SCML4: variants seen among roughly 807,000 people sequenced by gnomAD.
The protein encoded by SCML4 is sex comb on midleg-like protein 4.
A neutral mutation model predicts 41.1 loss-of-function variants in SCML4; 34 were observed. That is an observed-to-expected ratio of 0.83 (90% CI 0.63 to 1.10). The LOEUF (loss-of-function observed/expected upper bound fraction) is 1.10. SCML4 is among the 50% of genes least tolerant of loss of function. The pLI, the probability that SCML4 is intolerant of heterozygous loss-of-function variation, is 0.00. For missense variants in SCML4, 522 were observed against 534.1 expected (o/e 0.98, Z 0.22); for synonymous variants, 214 against 220.9 (o/e 0.97, Z 0.28).
intron 1 of SCML4, among the ~76,000 whole-genome samples, chr6:107,782,331 C>T (rs1383726570): frequency 6.6e-6 from 1 of 152,142 alleles, no homozygotes; most frequent in Non-Finnish European, 1.5e-5. Flanking sequence ...TAACTCCAGT[C>T]CTGCCATCAG....
rs149436081 is a variant in SCML4 at position 107,737,818 on chromosome 6, T to C, written c.682+7131A>G. On this transcript the variant is annotated intron_variant, in intron 5 of 7. Transcript: ENST00000369020. Reference sequence around the variant, plus strand: ...ATGTACATTATTTGGGTGATGGGTGTCCTAAAAGCCCTACCTTCAGCGCTG... The same window carrying C: ...ATGTACATTATTTGGGTGATGGGTGCCCTAAAAGCCCTACCTTCAGCGCTG... Among the ~76,000 whole-genome samples the C allele has an allele frequency of 4.0e-3, 608 of 152,244 alleles. 7 individuals are homozygous for C. The East Asian group carries it at 0.053, about 13-fold the overall frequency.
At chr6:107,844,468 C>T in the SCML4 span, among the ~76,000 whole-genome samples, 1 of 152,174 alleles carries the variant, frequency 6.6e-6, no homozygotes, top group Non-Finnish European at 1.5e-5. Context: ...AAGGCCGAGG[C>T]TGGAGGATCA....
chr6:107,779,560 A>T (rs1781322330), intron 1 of SCML4, among the ~76,000 whole-genome samples: 1 of 151,768 alleles, frequency 6.6e-6, no homozygotes, highest in African/African-American at 2.4e-5. Flanking sequence ...CCTCTGCTGG[A>T]CTCTAAGTTG....
intron 5 of SCML4, among the ~76,000 whole-genome samples, chr6:107,725,338 T>A (rs12205352): frequency 0.065 from 9,911 of 152,104 alleles, 455 homozygotes; most frequent in Admixed American, 0.15. Context: ...GATTTAAAAA[T>A]TTTTTAAAAA....
At chr6:107,751,245 G>C (rs775341124) in intron 2 of SCML4, among the ~76,000 whole-genome samples, 43 of 152,356 alleles carry the variant, frequency 2.8e-4, no homozygotes, top group Non-Finnish European at 4.9e-4. Flanking sequence ...AAGTGCAATT[G>C]AGTTGTACTT....
chr6:107,725,971 G>T (rs1207342961), intron 5 of SCML4, among the ~76,000 whole-genome samples: 2 of 151,740 alleles, frequency 1.3e-5, no homozygotes, highest in East Asian at 3.9e-4. Context: ...CAGCTGCTTG[G>T]GAGGCTGAGG....
At chr6:107,828,209 T>A (rs1785311731), upstream of SCML4, among the ~76,000 whole-genome samples, 1 of 152,220 alleles carries the variant, frequency 6.6e-6, no homozygotes, top group African/African-American at 2.4e-5. Flanking sequence ...CCAAAGATAC[T>A]CTAATTAATC....
chr6:107,799,777 T>C (rs1292060803), intron 1 of SCML4, among the ~76,000 whole-genome samples: 2 of 152,138 alleles, frequency 1.3e-5, no homozygotes, highest in Non-Finnish European at 2.9e-5. Context: ...CATCCAGTGA[T>C]TTTTATGTCT....
chr6:107,762,455 G>T (rs1356434973), intron 2 of SCML4, among the ~76,000 whole-genome samples: 1 of 152,176 alleles, frequency 6.6e-6, no homozygotes, highest in African/African-American at 2.4e-5. Context: ...GGGTTGAAAT[G>T]TGTCCCTCAA....
chr6:107,716,698 T>C (rs542213721), intron 6 of SCML4, among the ~76,000 whole-genome samples: 41 of 152,300 alleles, frequency 2.7e-4, no homozygotes, highest in African/African-American at 8.4e-4. Context: ...GACTTCCCAT[T>C]GCCTACTCAG....
intron 1 of SCML4, among the ~76,000 whole-genome samples, chr6:107,789,502 G>A (rs771940576): frequency 3.3e-5 from 5 of 152,144 alleles, no homozygotes; most frequent in Admixed American, 6.5e-5. Context: ...GTCCTGCGTC[G>A]TTGACACACA....
At chr6:107,812,350 G>A (rs561735334) in intron 1 of SCML4, among the ~76,000 whole-genome samples, 1 of 152,190 alleles carries the variant, frequency 6.6e-6, no homozygotes, top group Non-Finnish European at 1.5e-5. Context: ...CCATACCAGA[G>A]AGCCCTAGCT....
At chr6:107,754,922 G>A (rs934003993) in intron 2 of SCML4, among the ~76,000 whole-genome samples, 1 of 152,106 alleles carries the variant, frequency 6.6e-6, no homozygotes, top group Non-Finnish European at 1.5e-5. Context: ...GGACAACATA[G>A]TGATATCTCT....
chr6:107,778,265 A>ATATATAT (rs1781195419), intron 1 of SCML4, among the ~76,000 whole-genome samples: 23 of 128,702 alleles, frequency 1.8e-4, no homozygotes, highest in African/African-American at 2.5e-4. Context: ...ATATATATAT[A>ATATATAT]ACTTGAGAAT....
In SCML4 at chr6:107,813,391, T is replaced by C. The variant is rs189513214; in HGVS notation, c.-60+10735A>G. Among the ~76,000 whole-genome samples, 340 of 38,578 alleles carry C rather than the reference T, an allele frequency of 8.8e-3. 12 individuals are homozygous for C. The highest frequency in any genetic ancestry group is 0.027 in the African/African-American group (290 of 10,690). 25.3% of individuals were successfully genotyped at this position (38,578 alleles called of 152,430 possible). A position where few individuals can be genotyped will look rare whatever the true frequency, so the allele number is the denominator to read the frequency against. ...AAAATTATATATATATATATATATATATATATATATATATATATATATATA... is the reference window on the plus strand; with the variant it reads ...AAAATTATATATATATATATATATACATATATATATATATATATATATATA... On this transcript the variant is annotated intron_variant, in intron 1 of 7. Coordinates refer to ENST00000369020, the MANE Select transcript of SCML4 (RefSeq NM_198081.5).
intron 2 of SCML4, among the ~76,000 whole-genome samples, chr6:107,751,630 CTTTCTTTCT>C (rs1562218931): frequency 3.2e-4 from 46 of 142,114 alleles, no homozygotes; most frequent in African/African-American, 1.2e-3. Flanking sequence ...TTCTTTCTTT[CTTTCTTTCT>C]TTCTTTCTTT....
At chr6:107,841,695 A>G in the SCML4 span, among the ~76,000 whole-genome samples, 2 of 152,336 alleles carry the variant, frequency 1.3e-5, no homozygotes, top group Middle Eastern at 3.4e-3. Flanking sequence ...GCACTCAATA[A>G]ATGTCAGCTT....
At chr6:107,713,150 C>G (rs557272722) in intron 6 of SCML4, among the ~76,000 whole-genome samples, 4 of 152,362 alleles carry the variant, frequency 2.6e-5, no homozygotes, top group Admixed American at 2.0e-4. Flanking sequence ...CTTGCACACT[C>G]TCTGTGAATC....
At chr6:107,780,401 T>C (rs1781393978) in intron 1 of SCML4, among the ~76,000 whole-genome samples, 1 of 152,162 alleles carries the variant, frequency 6.6e-6, no homozygotes, top group Non-Finnish European at 1.5e-5. Context: ...TTGGATACTA[T>C]TCTCCACCAT....
Sources: gnomAD v4.1 joint callset for allele counts (sites outside exome capture counted in the v4.1 genomes callset) on GRCh38, gnomAD v4.1.1 for gene constraint, MANE v1.5 for transcripts, NCBI Gene and HGNC (gene_info 2026-07-23, HGNC 2026-07-21) for gene names.